Variants in MYO5A observed in about 807,000 individuals in gnomAD.
MYO5A encodes myosin VA, also known as unconventional myosin-Va.
Under a neutral mutation model 249.7 loss-of-function variants are expected in MYO5A, and 98 were observed. The ratio of observed to expected loss-of-function variants is 0.39; its 90% CI spans 0.33 to 0.46. The LOEUF (loss-of-function observed/expected upper bound fraction) is 0.46, where lower values mean the gene tolerates loss of function less well. Among genes scored for constraint, MYO5A ranks in the 20% least tolerant of loss-of-function variants. The probability of loss-of-function intolerance (pLI) is 0.98; values close to 1 mark genes in which losing one functional copy is unlikely to be tolerated. For missense variants in MYO5A, 1,696 were observed against 2,308.8 expected (o/e 0.73, Z 5.44); for synonymous variants, 778 against 810.6 (o/e 0.96, Z 0.68).
At chr15:52,405,776 C>T (rs1474438) in intron 8 of MYO5A, among the ~76,000 whole-genome samples, 22,456 of 152,182 alleles carry the variant, frequency 0.15, 1,787 homozygotes, top group Middle Eastern at 0.22. Flanking sequence ...ACTTAATACA[C>T]GACATGACAC....
intron 40 of MYO5A, 72 bp downstream of exon 40, chr15:52,316,976 G>C: frequency 2.1e-6 from 3 of 1,462,138 alleles, no homozygotes; most frequent in Non-Finnish European, 2.9e-6. Context: ...ATAAGTAGAG[G>C]ACTTCTTTAC....
intron 1 of MYO5A, among the ~76,000 whole-genome samples, chr15:52,482,014 T>G (rs1395074059): frequency 6.6e-6 from 1 of 152,176 alleles, no homozygotes; most frequent in Non-Finnish European, 1.5e-5. Context: ...CTTGGCTCAC[T>G]CAGCATGATA....
intron 4 of MYO5A, among the ~76,000 whole-genome samples, chr15:52,423,894 T>C (rs1389619101): frequency 6.6e-6 from 1 of 152,246 alleles, no homozygotes; most frequent in Admixed American, 6.5e-5. Flanking sequence ...AACCTAATAC[T>C]ATCTGTGAAA....
chr15:52,422,621 T>C (rs1225993642), intron 4 of MYO5A, among the ~76,000 whole-genome samples: 1 of 152,210 alleles, frequency 6.6e-6, no homozygotes, highest in African/African-American at 2.4e-5. Flanking sequence ...TAAATGATCA[T>C]CTTTTCCATG....
intron 11 of MYO5A, among the ~76,000 whole-genome samples, chr15:52,393,131 A>C (rs1188497852): frequency 2.0e-5 from 3 of 152,066 alleles, no homozygotes; most frequent in Non-Finnish European, 4.4e-5. Context: ...AATGACTGCT[A>C]CTCATTCTTG....
intron 1 of MYO5A, among the ~76,000 whole-genome samples, chr15:52,439,350 C>T (rs11855257): frequency 0.15 from 22,875 of 152,230 alleles, 1,831 homozygotes; most frequent in Middle Eastern, 0.22. Context: ...CTCTTCTCCA[C>T]TCACACTACT....
chr15:52,356,323 A>G (rs2040214467), intron 25 of MYO5A, among the ~76,000 whole-genome samples: 1 of 152,180 alleles, frequency 6.6e-6, no homozygotes. Flanking sequence ...AGGAAATAAG[A>G]AAAGTTCAAA....
intron 22 of MYO5A, among the ~76,000 whole-genome samples, chr15:52,367,375 G>A (rs756121291): frequency 1.3e-5 from 2 of 152,128 alleles, no homozygotes; most frequent in Non-Finnish European, 2.9e-5. Flanking sequence ...CTTTATATCC[G>A]TTATAAATGA....
chr15:52,322,330 G>C (rs1236660618), intron 37 of MYO5A, among the ~76,000 whole-genome samples: 1 of 152,244 alleles, frequency 6.6e-6, no homozygotes, highest in Non-Finnish European at 1.5e-5. Context: ...CCCATCATCT[G>C]CCTGTCAGTG....
intron 1 of MYO5A, among the ~76,000 whole-genome samples, chr15:52,517,893 T>G (rs2077527233): frequency 6.6e-6 from 1 of 152,144 alleles, no homozygotes; most frequent in African/African-American, 2.4e-5. Context: ...TTAGTTTATT[T>G]TAACTTTCTT....
chr15:52,475,506 G>A (rs528709541), intron 1 of MYO5A, among the ~76,000 whole-genome samples: 1 of 151,906 alleles, frequency 6.6e-6, no homozygotes, highest in African/African-American at 2.4e-5. Context: ...ATCTTTCCTG[G>A]TTTCTCTTGT....
intron 5 of MYO5A, among the ~76,000 whole-genome samples, chr15:52,410,829 G>A (rs1567100287): frequency 6.6e-6 from 1 of 152,076 alleles, no homozygotes; most frequent in Non-Finnish European, 1.5e-5. Flanking sequence ...ACCCACCTCT[G>A]CCTCCCAAAG....
chr15:52,357,510 C>T (rs1245104408), intron 25 of MYO5A, among the ~76,000 whole-genome samples: 1 of 148,312 alleles, frequency 6.7e-6, no homozygotes, highest in Non-Finnish European at 1.5e-5. Flanking sequence ...TTGGCTAATA[C>T]TATATAAACA....
intron 1 of MYO5A, among the ~76,000 whole-genome samples, chr15:52,505,008 G>C (rs1037587378): frequency 1.3e-5 from 2 of 152,210 alleles, no homozygotes; most frequent in South Asian, 2.1e-4. Context: ...CAATAATGTC[G>C]TTAAGAACTC....
At chr15:52,473,011 A>G (rs1229066828) in intron 1 of MYO5A, among the ~76,000 whole-genome samples, 1 of 152,266 alleles carries the variant, frequency 6.6e-6, no homozygotes, top group East Asian at 1.9e-4. Context: ...TCCCACCAGC[A>G]GTGTAAAAGT....
chr15:52,487,233 T>C (rs943260084), intron 1 of MYO5A, among the ~76,000 whole-genome samples: 1 of 151,556 alleles, frequency 6.6e-6, no homozygotes, highest in Non-Finnish European at 1.5e-5. Flanking sequence ...CTGGGCAACA[T>C]AGGGAAACCT....
intron 1 of MYO5A, among the ~76,000 whole-genome samples, chr15:52,526,425 G>A (rs574103110): frequency 3.3e-5 from 5 of 152,022 alleles, no homozygotes; most frequent in East Asian, 1.9e-4. Context: ...CCAGGCTCGC[G>A]ATCTTGGTTC....
At position 52,319,269 on chromosome 15, in the gene MYO5A, G is replaced by C; in HGVS notation, c.5025C>G (p.Thr1675=). The change falls in exon 39 of 42, where the codon ACC becomes ACG. Residue 1675 remains threonine, a synonymous_variant. Transcript: ENST00000399233. ...AGGTGCCCTCATCGGCGATACTGGA[G>C]GTTCGCTTTCTCAACCCTGTGGGCT... ...GVKPTGLRKR[T]SSIADEGTYT... The C allele has an allele frequency of 6.2e-7, 1 of 1,614,134 alleles. No homozygotes were observed. Among genetic ancestry groups the C allele is most frequent in the Non-Finnish European group, 8.5e-7 (1 of 1,180,004 alleles).
chr15:52,528,647 T>C lies in MYO5A; in HGVS notation c.27+133A>G, dbSNP rs908055146. On this transcript the variant is annotated intron_variant, in intron 1 of 41. Coordinates refer to ENST00000399233, the MANE Select transcript of MYO5A (RefSeq NM_001382347.1). ...GGCGACCGGCTGGTAGGGCCGAGGGTTCTGAGGCGCTGAAGGGGATGGCGC... is the reference window on the plus strand; with the variant it reads ...GGCGACCGGCTGGTAGGGCCGAGGGCTCTGAGGCGCTGAAGGGGATGGCGC... The C allele has an allele frequency of 1.7e-5, 18 of 1,066,398 alleles. No homozygotes were observed. The African/African-American group carries it at 3.0e-4, about 18-fold the overall frequency. 66.1% of individuals were successfully genotyped at this position (1,066,398 alleles called of 1,614,324 possible).
Sources: gnomAD v4.1 joint callset for allele counts (sites outside exome capture counted in the v4.1 genomes callset) on GRCh38, gnomAD v4.1.1 for gene constraint, MANE v1.5 for transcripts, NCBI Gene and HGNC (gene_info 2026-07-23, HGNC 2026-07-21) for gene names.